Variants in DNAH14 observed in about 807,000 individuals in gnomAD.
DNAH14 encodes axonemal beta dynein heavy chain 14.
Under a neutral mutation model 520.9 loss-of-function variants are expected in DNAH14, and 478 were observed. The ratio of observed to expected loss-of-function variants is 0.92; its 90% CI spans 0.85 to 0.99. The LOEUF (loss-of-function observed/expected upper bound fraction) is 0.99. Among genes scored for constraint, DNAH14 ranks in the 50% least tolerant of loss-of-function variants. The pLI is 0.00. For missense variants in DNAH14, 4,831 were observed against 5,234.5 expected, an observed-to-expected ratio of 0.92 and a Z score of 2.38; for synonymous variants, 1,581 against 1,757.2, an observed-to-expected ratio of 0.90 and a Z score of 2.51.
intron 19 of DNAH14, 131 bp downstream of exon 19, chr1:225,080,879 C>A: frequency 1.1e-6 from 1 of 932,798 alleles, no homozygotes; most frequent in Non-Finnish European, 1.5e-6. Context: ...AGCTACAATA[C>A]AGGAGTATAG....
rs2081092685 is a variant in DNAH14, at chr1:225,156,816, G to T, written c.5274-2498G>T. On this transcript the variant is annotated intron_variant, in intron 34 of 85. Coordinates refer to ENST00000682510, the MANE Select transcript of DNAH14 (RefSeq NM_001367479.1). ...TGCAAGCTCCGCCTCCCGGGTTCAC[G>T]CCATTCTCCTGCCTCAGCCTCCCAA... Among the ~76,000 whole-genome samples, 6 of 106,142 alleles carry T rather than the reference G, an allele frequency of 5.7e-5. No individual in the cohort carries two copies. The Admixed American group carries it at 6.4e-4, about 11-fold the overall frequency. The allele number at this position is 106,142 out of a possible 152,430, so 69.6% of individuals were successfully genotyped here.
chr1:225,338,397 C>G, intron 68 of DNAH14: 1 of 695,660 alleles, frequency 1.4e-6, no homozygotes, highest in Non-Finnish European at 2.5e-6. Context: ...CAACACTTTT[C>G]AAACTGTGCA....
At chr1:225,064,783 T>C (rs1486763213) in intron 17 of DNAH14, among the ~76,000 whole-genome samples, 1 of 151,982 alleles carries the variant, frequency 6.6e-6, no homozygotes, top group Non-Finnish European at 1.5e-5. Context: ...GAGATTGGGA[T>C]GGGTCACAAG....
intron 38 of DNAH14, among the ~76,000 whole-genome samples, chr1:225,197,488 T>C (rs1217263711): frequency 6.6e-6 from 1 of 152,144 alleles, no homozygotes; most frequent in Non-Finnish European, 1.5e-5. Flanking sequence ...GCCTCCAAAT[T>C]TGTTATTTTT....
chr1:225,258,996 G>T, intron 45 of DNAH14, 125 bp from the exon 46 acceptor site: 2 of 996,450 alleles, frequency 2.0e-6, no homozygotes, highest in Admixed American at 3.8e-5. Flanking sequence ...TTTTAAAAGG[G>T]AAGAACAAAA....
At chr1:225,135,620 A>G (rs2078883695) in intron 27 of DNAH14, among the ~76,000 whole-genome samples, 1 of 152,142 alleles carries the variant, frequency 6.6e-6, no homozygotes, top group African/African-American at 2.4e-5. Context: ...TTGTGTGGCT[A>G]TGAGAAGAGT....
chr1:225,388,848 T>C (rs1251395056), intron 82 of DNAH14, among the ~76,000 whole-genome samples: 2 of 152,112 alleles, frequency 1.3e-5, no homozygotes, highest in Non-Finnish European at 2.9e-5. Context: ...ACGATCTCTG[T>C]TCACTGCAAC....
At chr1:225,297,254 C>T (rs1215918158) in intron 55 of DNAH14, among the ~76,000 whole-genome samples, 1 of 152,072 alleles carries the variant, frequency 6.6e-6, no homozygotes, top group Non-Finnish European at 1.5e-5. Flanking sequence ...ATTTCTCATT[C>T]AAACCATAAA....
intron 52 of DNAH14, among the ~76,000 whole-genome samples, chr1:225,273,841 T>G (rs931146928): frequency 6.6e-6 from 1 of 152,202 alleles, no homozygotes; most frequent in Non-Finnish European, 1.5e-5. Context: ...AGCAGTGATC[T>G]AGGCTCCATT....
At chr1:225,299,271 T>C (rs1334363312) in intron 55 of DNAH14, among the ~76,000 whole-genome samples, 1 of 152,216 alleles carries the variant, frequency 6.6e-6, no homozygotes, top group Non-Finnish European at 1.5e-5. Flanking sequence ...TCAGATTGTA[T>C]TTACTCTTTT....
intron 53 of DNAH14, among the ~76,000 whole-genome samples, chr1:225,276,939 G>GA (rs1164770424): frequency 5.5e-4 from 54 of 97,944 alleles, no homozygotes; most frequent in African/African-American, 1.8e-3. Flanking sequence ...ATAAGAAGAA[G>GA]AAAAAGGAAG....
chr1:225,196,491 C>T (rs1245873129), intron 38 of DNAH14, among the ~76,000 whole-genome samples: 4 of 152,080 alleles, frequency 2.6e-5, no homozygotes, highest in Admixed American at 2.0e-4. Flanking sequence ...TGTGCAAATA[C>T]CTTTTTCATG....
At position 224,946,941 on chromosome 1, in the gene DNAH14, A is replaced by G. The variant is rs1203477990; in HGVS notation, c.-33-5729A>G. ...TTTTTTTTTTTTTTTTTTTTGAGAC[A>G]GAGTCTTGCTCTGTTGCCCAGGCTG... On this transcript the variant is annotated intron_variant, in intron 1 of 85. Coordinates refer to ENST00000682510, the MANE Select transcript of DNAH14 (RefSeq NM_001367479.1). Among the ~76,000 whole-genome samples the G allele has an allele frequency of 4.4e-5, 6 of 135,354 alleles. No homozygotes were observed. In the Admixed American group the frequency reaches 4.7e-4, roughly 11 times the overall value. The allele number at this position is 135,354 out of a possible 152,430, so 88.8% of individuals were successfully genotyped here.
intron 33 of DNAH14, 30 bp from the exon 34 acceptor site, chr1:225,153,720 T>C: frequency 1.4e-6 from 2 of 1,468,814 alleles, no homozygotes; most frequent in South Asian, 1.2e-5. Context: ...TTAGAAACTT[T>C]AATAATTCAA....
chr1:225,176,561 G>GTATGTAATACATACATATTATTGTATGT (rs113274310), intron 36 of DNAH14, among the ~76,000 whole-genome samples: 19,339 of 152,018 alleles, frequency 0.13, 1,373 homozygotes, highest in East Asian at 0.31. Flanking sequence ...ATTATTGTAT[G>GTATGTAATACATACATATTATTGTATGT]ATATGGTTTG....
At chr1:225,255,574 G>C (rs146082235) in intron 44 of DNAH14, among the ~76,000 whole-genome samples, 3 of 152,270 alleles carry the variant, frequency 2.0e-5, no homozygotes, top group African/African-American at 7.2e-5. Flanking sequence ...CTCCAGTCTT[G>C]AATTGGGATT....
chr1:225,130,159 T>A (rs1383592367), intron 27 of DNAH14, among the ~76,000 whole-genome samples: 1 of 152,200 alleles, frequency 6.6e-6, no homozygotes, highest in East Asian at 1.9e-4. Flanking sequence ...CATTAAAAAG[T>A]CAGGAAACAA....
At position 225,099,458 on chromosome 1, in the gene DNAH14, C is replaced by G. The variant is rs377307625; in HGVS notation, c.3696-1255C>G. Among the ~76,000 whole-genome samples, 7 of 152,196 alleles carry G rather than the reference C, an allele frequency of 4.6e-5. No individual in the cohort carries two copies. In the East Asian group the frequency reaches 1.2e-3, roughly 25 times the overall value. On this transcript the variant is annotated intron_variant, in intron 22 of 85. Coordinates refer to ENST00000682510, the MANE Select transcript of DNAH14 (RefSeq NM_001367479.1). ...AGTCTGGAAACATTTTTACTTGTCA[C>G]AACTGAGGGGATACTACTGGCATCT... is the stretch of plus-strand genomic sequence containing the variant.
chr1:225,245,673 G>A lies in DNAH14; in HGVS notation c.6748+4851G>A, dbSNP rs1264215102. Among the ~76,000 whole-genome samples, 4 of 152,216 alleles carry A rather than the reference G, an allele frequency of 2.6e-5. No individual in the cohort carries two copies. In the East Asian group the frequency reaches 5.8e-4, roughly 22 times the overall value. On this transcript the variant is annotated intron_variant, in intron 43 of 85. Transcript: ENST00000682510. ...CCTAGGAATACAACTTACAAGGTAC[G>A]TGAAGGACCTCTTCAAGGAGAACTA...
Sources: gnomAD v4.1 joint callset for allele counts (sites outside exome capture counted in the v4.1 genomes callset) on GRCh38, gnomAD v4.1.1 for gene constraint, MANE v1.5 for transcripts, NCBI Gene and HGNC (gene_info 2026-07-23, HGNC 2026-07-21) for gene names.